The following PEX14 variants were observed in gnomAD, a reference collection of about 807,000 sequenced individuals.
PEX14 encodes peroxisomal membrane protein PEX14.
In PEX14, 15 loss-of-function variants were observed where a neutral mutation model predicts 49.5. The observed-to-expected ratio is 0.30, with a 90% CI of 0.20 to 0.47. The LOEUF is 0.47. PEX14 is among the 20% of genes least tolerant of loss of function. The pLI is 1.00. For missense variants in PEX14, 398 were observed against 494.8 expected (o/e 0.80, Z 1.86); for synonymous variants, 210 against 212.7 (o/e 0.99, Z 0.11).
At chr1:10,581,112 G>T (rs1640303506) in intron 3 of PEX14, among the ~76,000 whole-genome samples, 1 of 152,108 alleles carries the variant, frequency 6.6e-6, no homozygotes, top group South Asian at 2.1e-4. Flanking sequence ...CTCAGGAAGG[G>T]TTCAACCAGA....
intron 1 of PEX14, among the ~76,000 whole-genome samples, chr1:10,482,352 A>G (rs910019472): frequency 1.3e-5 from 2 of 149,180 alleles, no homozygotes; most frequent in African/African-American, 2.5e-5. Flanking sequence ...CTGGTCTCGA[A>G]CTCCTGACCT....
chr1:10,484,182 C>T (rs1641330409), intron 1 of PEX14, among the ~76,000 whole-genome samples: 1 of 151,292 alleles, frequency 6.6e-6, no homozygotes, highest in African/African-American at 2.5e-5. Context: ...CGCCCACCAC[C>T]ATGGCCGGCT....
chr1:10,615,588 C>T (rs1034299122), intron 4 of PEX14, among the ~76,000 whole-genome samples: 17 of 152,226 alleles, frequency 1.1e-4, no homozygotes, highest in Non-Finnish European at 2.4e-4. Flanking sequence ...GGCAGGGTGG[C>T]AGTATTTCTC....
chr1:10,574,837 G>A (rs1360084828), intron 3 of PEX14, among the ~76,000 whole-genome samples: 1 of 152,166 alleles, frequency 6.6e-6, no homozygotes. Context: ...TTGGCCGGGT[G>A]TGGTGGCTCA....
intron 3 of PEX14, among the ~76,000 whole-genome samples, chr1:10,543,761 C>A (rs868510241): frequency 6.6e-6 from 1 of 152,170 alleles, no homozygotes; most frequent in Non-Finnish European, 1.5e-5. Flanking sequence ...CACGTGCCAC[C>A]ACACCTGGTG....
intron 5 of PEX14, among the ~76,000 whole-genome samples, chr1:10,621,018 G>T (rs1460853516): frequency 1.3e-5 from 2 of 152,240 alleles, no homozygotes; most frequent in Admixed American, 1.3e-4. Flanking sequence ...ACGGGAGCGG[G>T]AGGGCAGCTC....
intron 3 of PEX14, among the ~76,000 whole-genome samples, chr1:10,552,104 A>T (rs1201198779): frequency 6.6e-6 from 1 of 150,798 alleles, no homozygotes; most frequent in African/African-American, 2.4e-5. Flanking sequence ...AAAAAAAAAT[A>T]AGTTATACTG....
At chr1:10,553,724 A>C (rs1639400231) in intron 3 of PEX14, among the ~76,000 whole-genome samples, 1 of 152,120 alleles carries the variant, frequency 6.6e-6, no homozygotes, top group Non-Finnish European at 1.5e-5. Context: ...CTGAAAACTC[A>C]GCTTCCAGAA....
At chr1:10,621,968 G>T (rs924224772) in intron 5 of PEX14, among the ~76,000 whole-genome samples, 7 of 152,142 alleles carry the variant, frequency 4.6e-5, no homozygotes, top group African/African-American at 1.4e-4. Flanking sequence ...CTCCTGCCAG[G>T]CTTGCACTGC....
intron 3 of PEX14, among the ~76,000 whole-genome samples, chr1:10,546,077 A>G (rs1439172777): frequency 6.6e-6 from 1 of 152,062 alleles, no homozygotes; most frequent in African/African-American, 2.4e-5. Context: ...GTAGAATTAA[A>G]TGAAAATGAT....
chr1:10,509,267 C>T (rs1641844310), intron 2 of PEX14, among the ~76,000 whole-genome samples: 1 of 152,174 alleles, frequency 6.6e-6, no homozygotes, highest in South Asian at 2.1e-4. Context: ...CTCTTAACCT[C>T]ACCTCTCCAG....
intron 1 of PEX14, among the ~76,000 whole-genome samples, chr1:10,484,339 A>AT (rs1038915902): frequency 4.0e-5 from 6 of 150,688 alleles, no homozygotes; most frequent in South Asian, 2.1e-4. Context: ...CGTCCAGCCA[A>AT]TTTTTTTTTG....
intron 3 of PEX14, among the ~76,000 whole-genome samples, chr1:10,568,380 ATTC>A (rs1639875222): frequency 7.8e-6 from 1 of 127,626 alleles, no homozygotes; most frequent in Non-Finnish European, 1.6e-5. Flanking sequence ...GTATTCTTGT[ATTC>A]TTATTGTATT....
intron 3 of PEX14, among the ~76,000 whole-genome samples, chr1:10,560,455 T>A (rs1342668128): frequency 6.6e-6 from 1 of 152,070 alleles, no homozygotes; most frequent in Non-Finnish European, 1.5e-5. Flanking sequence ...GGAGATGGGG[T>A]CTCACTCTGT....
intron 5 of PEX14, among the ~76,000 whole-genome samples, chr1:10,622,757 A>G (rs1641630992): frequency 6.6e-6 from 1 of 152,226 alleles, no homozygotes; most frequent in African/African-American, 2.4e-5. Flanking sequence ...AAAGGAACCA[A>G]AAAGTTCCCA....
intron 3 of PEX14, among the ~76,000 whole-genome samples, chr1:10,585,811 G>T (rs1487032373): frequency 1.3e-5 from 2 of 152,226 alleles, no homozygotes; most frequent in East Asian, 3.9e-4. Flanking sequence ...CAGGAGAATT[G>T]CTTGAATCTG....
Position 10,488,973 on chromosome 1 carries a change from T to C in PEX14, c.37-6301T>C, listed in dbSNP as rs533178978. Among the ~76,000 whole-genome samples, 8 of 152,278 alleles carry C rather than the reference T, an allele frequency of 5.3e-5. No homozygotes were observed. The South Asian group carries it at 8.3e-4, about 16-fold the overall frequency. On this transcript the variant is annotated intron_variant, in intron 1 of 8. Transcript: ENST00000356607. Reference sequence around the variant, plus strand: ...TCCTGCTTCTTGACATATGTTGAAATTTTTAAATTAAATTTTATGTTTTTG... The same window carrying C: ...TCCTGCTTCTTGACATATGTTGAAACTTTTAAATTAAATTTTATGTTTTTG...
At chr1:10,510,534 TA>T (rs1191467356) in intron 2 of PEX14, among the ~76,000 whole-genome samples, 3 of 152,212 alleles carry the variant, frequency 2.0e-5, no homozygotes, top group African/African-American at 7.2e-5. Flanking sequence ...GGCACTTATG[TA>T]AGACTTTTAG....
At chr1:10,502,146 A>C (rs913003713) in intron 2 of PEX14, among the ~76,000 whole-genome samples, 1 of 152,166 alleles carries the variant, frequency 6.6e-6, no homozygotes, top group African/African-American at 2.4e-5. Context: ...AGAGAGGAAA[A>C]AAGTGTTGGC....
Sources: allele counts gnomAD v4.1 joint callset (sites outside exome capture counted in the v4.1 genomes callset), GRCh38; gene constraint gnomAD v4.1.1; transcripts MANE v1.5; gene names NCBI Gene and HGNC (gene_info 2026-07-23, HGNC 2026-07-21).